The following XPNPEP3 variants were observed in gnomAD, a reference collection of about 807,000 sequenced individuals.
The protein encoded by XPNPEP3 is X-prolyl aminopeptidase 3.
In XPNPEP3, 41 loss-of-function variants were observed where a neutral mutation model predicts 60.0. The observed-to-expected ratio is 0.68, with a 90% CI of 0.53 to 0.89. The LOEUF is 0.89. Among genes scored for constraint, XPNPEP3 ranks in the 40% least tolerant of loss-of-function variants. The probability of loss-of-function intolerance (pLI) is 0.00; values close to 1 mark genes in which losing one functional copy is unlikely to be tolerated. For missense variants in XPNPEP3, 598 were observed against 638.9 expected, an observed-to-expected ratio of 0.94 and a Z score of 0.69; for synonymous variants, 212 against 223.2, an observed-to-expected ratio of 0.95 and a Z score of 0.45.
At chr22:40,862,659 T>G in intron 1 of XPNPEP3, 1 of 985,458 alleles carries the variant, frequency 1.0e-6, no homozygotes, top group Non-Finnish European at 1.2e-6. Flanking sequence ...GCCTGATATG[T>G]TAACTTTCTG....
In XPNPEP3 at chr22:40,900,530, T is replaced by C. The variant is rs370163113; in HGVS notation, c.793-7057T>C. Among the ~76,000 whole-genome samples, 8 of 152,090 alleles carry C rather than the reference T, an allele frequency of 5.3e-5. No individual in the cohort carries two copies. The East Asian group carries it at 5.8e-4, about 11-fold the overall frequency. Reference sequence around the variant, plus strand: ...CTGAGGCAGGAGAATTGCTTGAACCTGGTAGGTGGAGGTTGTCATGAACCG... The same window carrying C: ...CTGAGGCAGGAGAATTGCTTGAACCCGGTAGGTGGAGGTTGTCATGAACCG... On this transcript the variant is annotated intron_variant, in intron 4 of 9. Coordinates refer to ENST00000357137, the MANE Select transcript of XPNPEP3 (RefSeq NM_022098.4).
At chr22:40,889,618 G>A (rs2058081668) in intron 4 of XPNPEP3, among the ~76,000 whole-genome samples, 1 of 152,184 alleles carries the variant, frequency 6.6e-6, no homozygotes. Context: ...GAGGCAGCGA[G>A]GAGTTAGAGA....
At chr22:40,861,690 T>C in intron 1 of XPNPEP3, 1 of 1,614,104 alleles carries the variant, frequency 6.2e-7, no homozygotes, top group Non-Finnish European at 8.5e-7. Context: ...ATCCCTTTCA[T>C]GAAAAATTTC....
chr22:40,903,989 A>C lies in XPNPEP3; in HGVS notation c.793-3598A>C, dbSNP rs117882833. The stretch of plus-strand genomic sequence containing the variant: ...CATTAGCTTTACAGTGTTCATTTGT[A>C]ATGTGTTCTGATTATGAGATGCAGG... On this transcript the variant is annotated intron_variant, in intron 4 of 9. Transcript: ENST00000357137. 1.3e-3 allele frequency among the ~76,000 whole-genome samples: 200 copies of C among 151,966 alleles called. 7 individuals are homozygous for C. The East Asian group carries it at 0.034, about 25-fold the overall frequency.
chr22:40,900,219 A>G (rs1483126951), intron 4 of XPNPEP3, among the ~76,000 whole-genome samples: 2 of 152,124 alleles, frequency 1.3e-5, no homozygotes, highest in African/African-American at 4.8e-5. Context: ...CAGGCAACAA[A>G]AGAAAAAGTA....
At position 40,924,015 on chromosome 22, in the gene XPNPEP3, A is replaced by G. The variant is rs1346229292; in HGVS notation, c.1237-347A>G. Among the ~76,000 whole-genome samples the G allele has an allele frequency of 2.6e-5, 4 of 152,164 alleles. No individual in the cohort carries two copies. The East Asian group carries it at 7.7e-4, about 29-fold the overall frequency. Reference sequence around the variant, plus strand: ...TAATAGTCATCCTCTCTTTCCCAAGAAAAGAGATTTTTTTTTCTTTCTTTT... The same window carrying G: ...TAATAGTCATCCTCTCTTTCCCAAGGAAAGAGATTTTTTTTTCTTTCTTTT... On this transcript the variant is annotated intron_variant, in intron 8 of 9. Coordinates refer to ENST00000357137, the MANE Select transcript of XPNPEP3 (RefSeq NM_022098.4).
intron 1 of XPNPEP3, among the ~76,000 whole-genome samples, chr22:40,866,929 A>G (rs2057981266): frequency 6.6e-6 from 1 of 152,220 alleles, no homozygotes. Context: ...AACTTTTTAT[A>G]TTCTGAAATT....
intron 1 of XPNPEP3, chr22:40,861,768 C>T: frequency 6.2e-7 from 1 of 1,613,542 alleles, no homozygotes; most frequent in Non-Finnish European, 8.5e-7. Context: ...ATGACTTCCA[C>T]CTCCGTTTAA....
chr22:40,885,989 AAG>A (rs963646660), intron 3 of XPNPEP3, among the ~76,000 whole-genome samples: 3 of 150,722 alleles, frequency 2.0e-5, no homozygotes, highest in Admixed American at 1.3e-4. Context: ...CTCAAAAATA[AAG>A]AGAGAGAGAA....
intron 4 of XPNPEP3, among the ~76,000 whole-genome samples, chr22:40,890,945 A>G (rs1422664740): frequency 6.6e-6 from 1 of 152,162 alleles, no homozygotes; most frequent in East Asian, 1.9e-4. Context: ...ACCTCTTCTC[A>G]TATACTGTAT....
intron 1 of XPNPEP3, chr22:40,859,988 C>T (rs1474396997): frequency 1.3e-5 from 2 of 152,112 alleles, no homozygotes; most frequent in Non-Finnish European, 2.9e-5. Flanking sequence ...ACAGACTGCT[C>T]TGAGGAATTC....
In XPNPEP3 at chr22:40,869,999, T is replaced by C. The variant is rs118006614; in HGVS notation, c.181+884T>C. The C allele has an allele frequency of 6.1e-4, 286 of 470,312 alleles. 1 individual carries two copies. In the East Asian group the frequency reaches 0.012, roughly 20 times the overall value. 29.1% of individuals were successfully genotyped at this position (470,312 alleles called of 1,614,324 possible). ...TTCACTATCCCCACTCAGTGAATGATACCAGTATGTTTCTCAGTGAGGGCT... is the reference window on the plus strand; with the variant it reads ...TTCACTATCCCCACTCAGTGAATGACACCAGTATGTTTCTCAGTGAGGGCT... On this transcript the variant is annotated intron_variant, in intron 2 of 9. Coordinates refer to ENST00000357137, the MANE Select transcript of XPNPEP3 (RefSeq NM_022098.4).
intron 4 of XPNPEP3, among the ~76,000 whole-genome samples, chr22:40,900,194 A>T (rs1222274863): frequency 6.6e-6 from 1 of 152,074 alleles, no homozygotes; most frequent in Non-Finnish European, 1.5e-5. Flanking sequence ...ATTCTTAAAG[A>T]TGATACCGAA....
intron 1 of XPNPEP3, chr22:40,861,773 G>C: frequency 6.2e-7 from 1 of 1,613,364 alleles, no homozygotes; most frequent in Non-Finnish European, 8.5e-7. Flanking sequence ...TTCCACCTCC[G>C]TTTAATCCTT....
At chr22:40,906,656 A>AT (rs2058156703) in intron 4 of XPNPEP3, among the ~76,000 whole-genome samples, 1 of 152,156 alleles carries the variant, frequency 6.6e-6, no homozygotes, top group African/African-American at 2.4e-5. Context: ...AGGCTGGGAA[A>AT]CGTTGCTATA....
At chr22:40,894,087 C>T (rs923059139) in intron 4 of XPNPEP3, among the ~76,000 whole-genome samples, 2 of 152,020 alleles carry the variant, frequency 1.3e-5, no homozygotes, top group African/African-American at 4.8e-5. Flanking sequence ...GCAGGAGGAT[C>T]GCTTGAGGCC....
Position 40,892,813 on chromosome 22 carries a change from G to A in XPNPEP3, c.792+6298G>A, listed in dbSNP as rs576705712. ...TGAATTTTGAATTCTCAGGAATATA[G>A]GGCCCACCAAGTTATACCTTGTTAT... is the stretch of plus-strand genomic sequence containing the variant. On this transcript the variant is annotated intron_variant, in intron 4 of 9. Transcript: ENST00000357137. Among the ~76,000 whole-genome samples the A allele has an allele frequency of 2.6e-5, 4 of 152,098 alleles. No individual in the cohort carries two copies. In the South Asian group the frequency reaches 8.3e-4, roughly 32 times the overall value.
intron 8 of XPNPEP3, among the ~76,000 whole-genome samples, chr22:40,923,257 T>C (rs1459480140): frequency 6.6e-6 from 1 of 151,948 alleles, no homozygotes; most frequent in Non-Finnish European, 1.5e-5. Context: ...AATCCTTTTA[T>C]GGGTTATTCT....
chr22:40,885,063 A>G (rs1198203528), intron 3 of XPNPEP3, among the ~76,000 whole-genome samples: 1 of 152,122 alleles, frequency 6.6e-6, no homozygotes, highest in African/African-American at 2.4e-5. Context: ...TTAAATTTCC[A>G]TCTATCGTAA....
Sources: allele counts gnomAD v4.1 joint callset (sites outside exome capture counted in the v4.1 genomes callset), GRCh38; gene constraint gnomAD v4.1.1; transcripts MANE v1.5; gene names NCBI Gene and HGNC (gene_info 2026-07-23, HGNC 2026-07-21).